Variants in MAPK4 observed in about 807,000 individuals in gnomAD.
MAPK4 encodes the protein mitogen-activated protein kinase 4, also known as Erk3-related.
Under a neutral mutation model 47.7 loss-of-function variants are expected in MAPK4, and 22 were observed. That is an observed-to-expected ratio of 0.46 (90% confidence interval 0.33 to 0.66). MAPK4 has a LOEUF of 0.66. MAPK4 is among the 30% of genes least tolerant of loss of function. MAPK4 has a pLI of 0.02. For missense variants in MAPK4, 736 were observed against 831.7 expected (o/e 0.88, Z 1.42); for synonymous variants, 390 against 365.7 (o/e 1.07, Z -0.76).
chr18:50,607,886 G>A (rs1052000781), intron 1 of MAPK4, among the ~76,000 whole-genome samples: 3 of 152,164 alleles, frequency 2.0e-5, no homozygotes, highest in Admixed American at 2.0e-4. Flanking sequence ...TATTGCAACA[G>A]CCTTCATCTA....
At chr18:50,636,591 T>G (rs2042890992) in intron 1 of MAPK4, among the ~76,000 whole-genome samples, 1 of 152,206 alleles carries the variant, frequency 6.6e-6, no homozygotes, top group South Asian at 2.1e-4. Flanking sequence ...CATAAAATGT[T>G]CCACATGACA....
chr18:50,709,349 G>A (rs576850513), intron 2 of MAPK4, among the ~76,000 whole-genome samples: 1 of 152,320 alleles, frequency 6.6e-6, no homozygotes, highest in Admixed American at 6.5e-5. Flanking sequence ...GACTGCCCGG[G>A]GAATTGGGGG....
In MAPK4 at chr18:50,604,818, A is replaced by G. The variant is rs1187389610; in HGVS notation, c.-871+44575A>G. Among the ~76,000 whole-genome samples the G allele has an allele frequency of 3.3e-5, 5 of 152,230 alleles. No homozygotes were observed. The South Asian group carries it at 6.2e-4, about 19-fold the overall frequency. ...TCTCAAGAGTGCAATGGCCTGGAGC[A>G]GGGGGCTTTGCCCCACTGGTGACTA... On this transcript the variant is annotated intron_variant, in intron 1 of 5. Coordinates refer to ENST00000400384, the MANE Select transcript of MAPK4 (RefSeq NM_002747.4).
intron 1 of MAPK4, among the ~76,000 whole-genome samples, chr18:50,567,079 G>A (rs1258747929): frequency 6.6e-6 from 1 of 150,984 alleles, no homozygotes; most frequent in Non-Finnish European, 1.5e-5. Flanking sequence ...TTTCCACAAT[G>A]TCAGAGTTTT....
chr18:50,705,766 G>C lies in MAPK4; in HGVS notation c.547-9313G>C, dbSNP rs567155940. ...CGTGGCTCGCCCCTTGACTCACTCT[G>C]GTCTCTGCTCGAATGTCCCCTTACA... On this transcript the variant is annotated intron_variant, in intron 2 of 5. Coordinates refer to ENST00000400384, the MANE Select transcript of MAPK4 (RefSeq NM_002747.4). 3.3e-5 allele frequency: 5 copies of C among 152,256 alleles called. No individual in the cohort carries two copies. In the East Asian group the frequency reaches 5.8e-4, roughly 18 times the overall value. 9.4% of individuals were successfully genotyped at this position (152,256 alleles called of 1,614,324 possible). A position where few individuals can be genotyped will look rare whatever the true frequency, so the allele number is the denominator to read the frequency against.
chr18:50,725,816 G>A, intron 4 of MAPK4, 146 bp from the exon 5 acceptor site: 1 of 695,968 alleles, frequency 1.4e-6, no homozygotes, highest in East Asian at 2.5e-5. Flanking sequence ...ATTGTGACAA[G>A]GGTCTTGAGA....
intron 2 of MAPK4, among the ~76,000 whole-genome samples, chr18:50,685,823 A>T (rs1240014461): frequency 6.6e-6 from 1 of 151,022 alleles, no homozygotes; most frequent in Non-Finnish European, 1.5e-5. Context: ...ATGGCACCAG[A>T]TACTGACACT....
chr18:50,670,559 C>G (rs1444416147), intron 2 of MAPK4, among the ~76,000 whole-genome samples: 1 of 152,072 alleles, frequency 6.6e-6, no homozygotes, highest in African/African-American at 2.4e-5. Flanking sequence ...GAGTTTGAGA[C>G]CAGCCTGGCC....
intron 2 of MAPK4, among the ~76,000 whole-genome samples, chr18:50,710,515 C>T (rs1308662498): frequency 2.0e-5 from 3 of 151,320 alleles, no homozygotes; most frequent in Non-Finnish European, 2.9e-5. Flanking sequence ...CGGAGGCTCA[C>T]GCCTGTAATC....
At chr18:50,688,689 G>A (rs1216663623) in intron 2 of MAPK4, among the ~76,000 whole-genome samples, 1 of 152,074 alleles carries the variant, frequency 6.6e-6, no homozygotes, top group Non-Finnish European at 1.5e-5. Flanking sequence ...TAAGCTATGA[G>A]GATGCAAAGG....
At chr18:50,655,623 T>C (rs1188572222) in intron 1 of MAPK4, among the ~76,000 whole-genome samples, 1 of 152,058 alleles carries the variant, frequency 6.6e-6, no homozygotes, top group African/African-American at 2.4e-5. Flanking sequence ...TTCTCCTAAT[T>C]CCTGGGGGTC....
chr18:50,687,752 A>T (rs569279967), intron 2 of MAPK4, among the ~76,000 whole-genome samples: 23 of 152,184 alleles, frequency 1.5e-4, no homozygotes, highest in Admixed American at 7.2e-4. Flanking sequence ...GGACAAGCAA[A>T]ACCCCCACAG....
intron 2 of MAPK4, among the ~76,000 whole-genome samples, chr18:50,681,522 CT>C (rs1478596316): frequency 6.6e-6 from 1 of 152,128 alleles, no homozygotes; most frequent in East Asian, 1.9e-4. Flanking sequence ...AGATTTATGC[CT>C]ATGATTTCTT....
At chr18:50,648,385 C>T (rs891691144) in intron 1 of MAPK4, among the ~76,000 whole-genome samples, 30 of 152,018 alleles carry the variant, frequency 2.0e-4, no homozygotes, top group African/African-American at 7.2e-4. Context: ...CAGGCATGAC[C>T]GTGGGGGCTG....
At chr18:50,583,314 G>A (rs1407811118) in intron 1 of MAPK4, among the ~76,000 whole-genome samples, 1 of 152,210 alleles carries the variant, frequency 6.6e-6, no homozygotes, top group Non-Finnish European at 1.5e-5. Context: ...TCAGCCAGGT[G>A]CGGTGGCTCA....
intron 1 of MAPK4, among the ~76,000 whole-genome samples, chr18:50,642,810 G>A (rs1272647561): frequency 6.6e-6 from 1 of 152,134 alleles, no homozygotes; most frequent in Non-Finnish European, 1.5e-5. Flanking sequence ...GGCAAGTGTT[G>A]GCCAGGCTGG....
chr18:50,577,225 C>T (rs1161773793), intron 1 of MAPK4, among the ~76,000 whole-genome samples: 1 of 152,128 alleles, frequency 6.6e-6, no homozygotes, highest in African/African-American at 2.4e-5. Context: ...GCTTTGGCTG[C>T]GTTAGAATCA....
chr18:50,694,841 C>T (rs1909415751), intron 2 of MAPK4, among the ~76,000 whole-genome samples: 1 of 152,198 alleles, frequency 6.6e-6, no homozygotes, highest in Non-Finnish European at 1.5e-5. Context: ...GTCATTACTC[C>T]ATCACCACTG....
chr18:50,649,119 A>G (rs1294646123), intron 1 of MAPK4, among the ~76,000 whole-genome samples: 1 of 152,142 alleles, frequency 6.6e-6, no homozygotes, highest in Non-Finnish European at 1.5e-5. Flanking sequence ...CCTGGGTGCC[A>G]ATCTTCCATC....
Sources: gnomAD v4.1 joint callset for allele counts (sites outside exome capture counted in the v4.1 genomes callset) on GRCh38, gnomAD v4.1.1 for gene constraint, MANE v1.5 for transcripts, NCBI Gene and HGNC (gene_info 2026-07-23, HGNC 2026-07-21) for gene names.